Variants in ROBO2 observed in about 807,000 individuals in gnomAD.
ROBO2 encodes roundabout homolog 2.
ROBO2 carries 53 observed loss-of-function variants against 160.8 expected under a neutral mutation model. The ratio of observed to expected loss-of-function variants is 0.33; its 90% CI spans 0.26 to 0.41. ROBO2 has a LOEUF of 0.41. ROBO2 is among the 10% of genes least tolerant of loss of function. The probability of loss-of-function intolerance (pLI) is 1.00; values close to 1 mark genes in which losing one functional copy is unlikely to be tolerated. For synonymous variants in ROBO2, 664 were observed against 611.7 expected, an observed-to-expected ratio of 1.09 and a Z score of -1.26; for missense variants, 1,577 against 1,722.4, an observed-to-expected ratio of 0.92 and a Z score of 1.49.
intron 2 of ROBO2, among the ~76,000 whole-genome samples, chr3:76,119,746 A>G (rs1213852810): frequency 3.3e-5 from 5 of 152,146 alleles, no homozygotes; most frequent in African/African-American, 9.7e-5. Flanking sequence ...TTACGCACAT[A>G]CACTCTGAGA....
chr3:77,015,853 T>A (rs1001421454), intron 2 of ROBO2, among the ~76,000 whole-genome samples: 4 of 152,224 alleles, frequency 2.6e-5, no homozygotes, highest in Non-Finnish European at 5.9e-5. Flanking sequence ...TTAAATCACA[T>A]GTCTACATTA....
chr3:76,857,719 G>C (rs983704986), intron 2 of ROBO2, among the ~76,000 whole-genome samples: 1 of 151,982 alleles, frequency 6.6e-6, no homozygotes, highest in African/African-American at 2.4e-5. Context: ...TTGCTGCCAG[G>C]CATCTTTCTA....
At chr3:77,291,443 G>A (rs2061239686) in intron 2 of ROBO2, among the ~76,000 whole-genome samples, 1 of 151,384 alleles carries the variant, frequency 6.6e-6, no homozygotes. Context: ...GATCACCCCA[G>A]ACATGAAGTA....
At chr3:76,684,994 C>T (rs575500043) in intron 2 of ROBO2, among the ~76,000 whole-genome samples, 22 of 151,600 alleles carry the variant, frequency 1.5e-4, no homozygotes, top group African/African-American at 4.3e-4. Context: ...AGTCTTTCCA[C>T]CACCCATGGA....
chr3:76,398,346 G>A (rs1162359196), intron 2 of ROBO2, among the ~76,000 whole-genome samples: 1 of 150,822 alleles, frequency 6.6e-6, no homozygotes, highest in African/African-American at 2.4e-5. Flanking sequence ...GAGGAGGGAG[G>A]GATAGCATTA....
At chr3:77,303,062 C>A (rs188725947) in intron 2 of ROBO2, among the ~76,000 whole-genome samples, 1 of 152,084 alleles carries the variant, frequency 6.6e-6, no homozygotes, top group Non-Finnish European at 1.5e-5. Context: ...CTTCCATAGA[C>A]GGATTTCATG....
At chr3:76,036,605 A>G (rs1481125268) in intron 2 of ROBO2, among the ~76,000 whole-genome samples, 1 of 151,754 alleles carries the variant, frequency 6.6e-6, no homozygotes, top group Non-Finnish European at 1.5e-5. Flanking sequence ...CCCAGGCTCA[A>G]GTGATTCTCC....
Position 76,105,053 on chromosome 3 carries a change from C to T in ROBO2, c.109+167451C>T, listed in dbSNP as rs7624648. On this transcript the variant is annotated intron_variant, in intron 2 of 26. Coordinates refer to the ROBO2 transcript ENST00000487694. ...GTAAAGAGAAAAGCAAGAGACCTAGCCTTTAGGTGGGTCATAAGCTCTCAG... is the reference window on the plus strand; with the variant it reads ...GTAAAGAGAAAAGCAAGAGACCTAGTCTTTAGGTGGGTCATAAGCTCTCAG... Among the ~76,000 whole-genome samples the T allele has an allele frequency of 8.2e-3, 1,251 of 152,102 alleles. 15 individuals are homozygous for T. The highest frequency in any genetic ancestry group is 0.029 in the African/African-American group (1,198 of 41,480).
intron 13 of ROBO2, among the ~76,000 whole-genome samples, chr3:77,572,262 C>A: frequency 6.6e-6 from 1 of 151,990 alleles, no homozygotes; most frequent in Non-Finnish European, 1.5e-5. Context: ...TTATAAAATG[C>A]AAACTTAGTG....
At position 76,582,686 on chromosome 3, in the gene ROBO2, A is replaced by G. The variant is rs376280644; in HGVS notation, c.110-515328A>G. On this transcript the variant is annotated intron_variant, in intron 2 of 26. Coordinates refer to the ROBO2 transcript ENST00000487694. Reference sequence around the variant, plus strand: ...ATATGTGAGATATTTTAAGTCTTATATTTATGGTTTTCTGCTTATAATAAT... The same window carrying G: ...ATATGTGAGATATTTTAAGTCTTATGTTTATGGTTTTCTGCTTATAATAAT... 3.7e-4 allele frequency among the ~76,000 whole-genome samples: 57 copies of G among 152,292 alleles called. 1 individual carries two copies. In the South Asian group the frequency reaches 0.011, roughly 30 times the overall value.
At chr3:76,714,997 G>T (rs1000621508) in intron 2 of ROBO2, among the ~76,000 whole-genome samples, 2 of 152,018 alleles carry the variant, frequency 1.3e-5, no homozygotes, top group African/African-American at 4.8e-5. Context: ...CTTTCATTTT[G>T]ATACCAGCCT....
chr3:76,465,527 A>G (rs1156734666), intron 2 of ROBO2, among the ~76,000 whole-genome samples: 1 of 152,032 alleles, frequency 6.6e-6, no homozygotes, highest in East Asian at 1.9e-4. Context: ...AAAATGATGG[A>G]TGATAAGAAG....
chr3:76,008,844 A>G (rs1264161554), intron 2 of ROBO2, among the ~76,000 whole-genome samples: 1 of 152,186 alleles, frequency 6.6e-6, no homozygotes, highest in African/African-American at 2.4e-5. Context: ...ATTTTACATG[A>G]CATGTGGACC....
At chr3:77,318,402 A>G (rs2064296293) in intron 2 of ROBO2, among the ~76,000 whole-genome samples, 1 of 152,258 alleles carries the variant, frequency 6.6e-6, no homozygotes, top group Non-Finnish European at 1.5e-5. Context: ...AATAAAAAAT[A>G]AAAGAATATA....
intron 2 of ROBO2, among the ~76,000 whole-genome samples, chr3:77,363,387 G>A (rs1686799711): frequency 6.6e-6 from 1 of 152,108 alleles, no homozygotes; most frequent in South Asian, 2.1e-4. Context: ...ATGTATATCA[G>A]ATATTGGCAA....
At chr3:76,546,130 A>G (rs1207734424) in intron 2 of ROBO2, among the ~76,000 whole-genome samples, 2 of 151,912 alleles carry the variant, frequency 1.3e-5, no homozygotes, top group African/African-American at 2.4e-5. Context: ...TCAAGTAGAC[A>G]TATTTTTCAA....
At chr3:76,412,585 A>G (rs2075549305) in intron 2 of ROBO2, among the ~76,000 whole-genome samples, 1 of 152,194 alleles carries the variant, frequency 6.6e-6, no homozygotes. Flanking sequence ...AGCCCAAACA[A>G]AGGGGCTACA....
At chr3:76,005,308 A>C (rs764870840) in intron 2 of ROBO2, among the ~76,000 whole-genome samples, 1 of 152,328 alleles carries the variant, frequency 6.6e-6, no homozygotes, top group Non-Finnish European at 1.5e-5. Context: ...ACATGAACAG[A>C]TGTTATGTAA....
At chr3:76,432,081 C>T (rs2076462358) in intron 2 of ROBO2, among the ~76,000 whole-genome samples, 1 of 152,036 alleles carries the variant, frequency 6.6e-6, no homozygotes, top group Non-Finnish European at 1.5e-5. Context: ...TCATTTGTGC[C>T]ATATGGCATT....
Sources: allele counts gnomAD v4.1 joint callset (sites outside exome capture counted in the v4.1 genomes callset), GRCh38; gene constraint gnomAD v4.1.1; transcripts MANE v1.5; gene names NCBI Gene and HGNC (gene_info 2026-07-23, HGNC 2026-07-21).